The following PVT1 variants were observed in gnomAD, a reference collection of about 807,000 sequenced individuals.
PVT1 encodes Pvt1 oncogene.
At chr8:128,086,179 G>A (rs1008885581) in intron 5 of PVT1, among the ~76,000 whole-genome samples, 1 of 152,164 alleles carries the variant, frequency 6.6e-6, no homozygotes, top group African/African-American at 2.4e-5. Flanking sequence ...TTTCTCTTTG[G>A]TTCTTGAGAA....
At chr8:127,824,598 C>T (rs765228798) in intron 2 of PVT1, among the ~76,000 whole-genome samples, 13 of 152,148 alleles carry the variant, frequency 8.5e-5, no homozygotes, top group African/African-American at 1.2e-4. Flanking sequence ...GTCGTGTTAA[C>T]GCAATTGCTG....
At chr8:127,924,676 T>A (rs1290220918) in intron 3 of PVT1, among the ~76,000 whole-genome samples, 1 of 152,070 alleles carries the variant, frequency 6.6e-6, no homozygotes, top group Non-Finnish European at 1.5e-5. Flanking sequence ...CACGCCCGAC[T>A]AATTTTTTGT....
chr8:127,819,436 G>A (rs1814705136), intron 2 of PVT1, among the ~76,000 whole-genome samples: 1 of 152,204 alleles, frequency 6.6e-6, no homozygotes, highest in Non-Finnish European at 1.5e-5. Context: ...TTGATCCATA[G>A]TAATTTCTCG....
At chr8:127,931,252 G>T (rs549418997) in intron 3 of PVT1, among the ~76,000 whole-genome samples, 11 of 152,258 alleles carry the variant, frequency 7.2e-5, no homozygotes, top group Middle Eastern at 3.4e-3. Context: ...TCTGTTATTT[G>T]CTCCCAGGGA....
intron 6 of PVT1, chr8:128,099,923 T>G (rs1814481179): frequency 6.6e-6 from 1 of 152,208 alleles, no homozygotes; most frequent in Non-Finnish European, 1.5e-5. Context: ...GTTTAGCATC[T>G]TCAGTTACGT....
intron 2 of PVT1, among the ~76,000 whole-genome samples, chr8:127,877,988 C>T (rs1815423819): frequency 1.3e-5 from 2 of 151,962 alleles, no homozygotes; most frequent in African/African-American, 4.8e-5. Context: ...AGAACATGCA[C>T]ACTGTAGAAC....
chr8:127,802,257 AG>A (rs1253661103), intron 2 of PVT1, among the ~76,000 whole-genome samples: 4 of 151,932 alleles, frequency 2.6e-5, no homozygotes, highest in African/African-American at 9.7e-5. Context: ...TCTGTCACCC[AG>A]GCTGGAATGC....
At chr8:127,923,494 C>G (rs1483013122) in intron 3 of PVT1, among the ~76,000 whole-genome samples, 1 of 152,174 alleles carries the variant, frequency 6.6e-6, no homozygotes, top group Non-Finnish European at 1.5e-5. Flanking sequence ...GAAGGCGTTC[C>G]TGGTCTGAGT....
intron 3 of PVT1, among the ~76,000 whole-genome samples, chr8:127,986,591 C>T (rs137909742): frequency 4.6e-5 from 7 of 152,300 alleles, no homozygotes; most frequent in African/African-American, 1.7e-4. Flanking sequence ...CTCCCTGTTT[C>T]TCCCACCAAT....
intron 5 of PVT1, among the ~76,000 whole-genome samples, chr8:128,087,747 C>CTTTTTTTTTT (rs71568675): frequency 2.6e-5 from 2 of 76,610 alleles, no homozygotes; most frequent in African/African-American, 9.8e-5. Flanking sequence ...TGATGTGCTA[C>CTTTTTTTTTT]TTTTTTTTTT....
At chr8:127,857,228 AAAT>A (rs1037061933) in intron 2 of PVT1, among the ~76,000 whole-genome samples, 25 of 152,176 alleles carry the variant, frequency 1.6e-4, no homozygotes, top group African/African-American at 5.8e-4. Context: ...TCTGCCTAAA[AAAT>A]AATAATAATA....
At chr8:128,022,180 G>A (rs1039386871) in intron 4 of PVT1, among the ~76,000 whole-genome samples, 8 of 152,222 alleles carry the variant, frequency 5.3e-5, no homozygotes, top group African/African-American at 1.9e-4. Flanking sequence ...GGCCTTGTGT[G>A]GAGGTGGGTT....
At chr8:128,039,379 G>A (rs1368630021) in intron 4 of PVT1, among the ~76,000 whole-genome samples, 1 of 152,184 alleles carries the variant, frequency 6.6e-6, no homozygotes, top group African/African-American at 2.4e-5. Context: ...TCTACCCTGT[G>A]CCCACCTCTC....
At chr8:127,930,975 C>T (rs1816198824) in intron 3 of PVT1, among the ~76,000 whole-genome samples, 1 of 152,078 alleles carries the variant, frequency 6.6e-6, no homozygotes, top group Non-Finnish European at 1.5e-5. Context: ...TTCAGTGGTG[C>T]CGTCACTGCA....
intron 2 of PVT1, among the ~76,000 whole-genome samples, chr8:127,817,608 A>G (rs1346740525): frequency 6.8e-6 from 1 of 146,536 alleles, no homozygotes; most frequent in Non-Finnish European, 1.5e-5. Flanking sequence ...GAGACCTGGT[A>G]TGGTGGCTCA....
chr8:127,924,835 A>T (rs1816110057), intron 3 of PVT1, among the ~76,000 whole-genome samples: 1 of 151,928 alleles, frequency 6.6e-6, no homozygotes. Flanking sequence ...TTTAGTAGAG[A>T]TGGGGTTTTG....
chr8:127,981,892 C>A (rs747589916), intron 3 of PVT1, among the ~76,000 whole-genome samples: 1 of 152,200 alleles, frequency 6.6e-6, no homozygotes, highest in African/African-American at 2.4e-5. Context: ...ACCACACCTG[C>A]GGCTTTTGGA....
chr8:127,984,881 CTTTCTTTCTT>C (rs1237033411), intron 3 of PVT1, among the ~76,000 whole-genome samples: 2 of 93,242 alleles, frequency 2.1e-5, no homozygotes, highest in East Asian at 5.7e-4. Flanking sequence ...TTCTTTCTTT[CTTTCTTTCTT>C]TCTTTCTTTC....
At chr8:127,922,672 C>T (rs1428456539) in intron 3 of PVT1, among the ~76,000 whole-genome samples, 1 of 152,170 alleles carries the variant, frequency 6.6e-6, no homozygotes, top group Non-Finnish European at 1.5e-5. Flanking sequence ...TCTGTGTCCC[C>T]CACTCTACTG....
Sources: gnomAD v4.1 joint callset for allele counts (sites outside exome capture counted in the v4.1 genomes callset) on GRCh38, gnomAD v4.1.1 for gene constraint, MANE v1.5 for transcripts, NCBI Gene and HGNC (gene_info 2026-07-23, HGNC 2026-07-21) for gene names.